The following ZMIZ1 variants were observed in gnomAD, a reference collection of about 807,000 sequenced individuals.
The protein encoded by ZMIZ1 is zinc finger MIZ-type containing 1.
ZMIZ1 carries 17 observed loss-of-function variants against 113.9 expected under a neutral mutation model. The ratio of observed to expected loss-of-function variants is 0.15; its 90% CI spans 0.10 to 0.22. The LOEUF (loss-of-function observed/expected upper bound fraction) is 0.22, where lower values mean the gene tolerates loss of function less well. ZMIZ1 is among the 10% of genes least tolerant of loss of function. The probability of loss-of-function intolerance (pLI) is 1.00; values close to 1 mark genes in which losing one functional copy is unlikely to be tolerated. For synonymous variants in ZMIZ1, 607 were observed against 603.1 expected (o/e 1.01, Z -0.09); for missense variants, 1,059 against 1,477.8 (o/e 0.72, Z 4.65).
intron 3 of ZMIZ1, among the ~76,000 whole-genome samples, chr10:79,158,122 G>C (rs1845975349): frequency 6.6e-6 from 1 of 152,178 alleles, no homozygotes; most frequent in Admixed American, 6.5e-5. Flanking sequence ...ATTTGGATGG[G>C]CACCATGGGC....
At chr10:79,247,274 T>C (rs1850262982) in intron 7 of ZMIZ1, among the ~76,000 whole-genome samples, 2 of 152,112 alleles carry the variant, frequency 1.3e-5, no homozygotes, top group Admixed American at 6.5e-5. Flanking sequence ...GAGAAAATGG[T>C]CAGGGGCGGG....
chr10:79,085,815 C>T (rs1326091632), intron 1 of ZMIZ1, among the ~76,000 whole-genome samples: 1 of 152,180 alleles, frequency 6.6e-6, no homozygotes, highest in Non-Finnish European at 1.5e-5. Context: ...GCCCAGTGGC[C>T]AGGGACCTGA....
chr10:79,191,981 G>A (rs1847626253), intron 4 of ZMIZ1, among the ~76,000 whole-genome samples: 1 of 152,234 alleles, frequency 6.6e-6, no homozygotes, highest in Admixed American at 6.5e-5. Context: ...CCACTCTGAG[G>A]AAACAAAGTG....
chr10:79,145,401 C>T (rs1027587701), intron 3 of ZMIZ1, among the ~76,000 whole-genome samples: 2 of 152,182 alleles, frequency 1.3e-5, no homozygotes, highest in Non-Finnish European at 2.9e-5. Context: ...CTGTGCAGCC[C>T]TGAGTTGTTG....
intron 8 of ZMIZ1, among the ~76,000 whole-genome samples, chr10:79,289,017 T>A (rs1364360312): frequency 6.6e-6 from 1 of 151,096 alleles, no homozygotes; most frequent in African/African-American, 2.4e-5. Flanking sequence ...CAAAGCGGGG[T>A]GAGGGAATGG....
intron 18 of ZMIZ1, among the ~76,000 whole-genome samples, chr10:79,302,509 C>G (rs1353678690): frequency 6.6e-6 from 1 of 152,052 alleles, no homozygotes. Context: ...AATAGCAGCA[C>G]AGGACATGAG....
chr10:79,306,442 G>A (rs1371025136), intron 22 of ZMIZ1, 98 bp downstream of exon 22: 4 of 1,533,116 alleles, frequency 2.6e-6, no homozygotes, highest in Admixed American at 1.9e-5. Context: ...GGGGTCGGGG[G>A]TGTGGTTGAA....
chr10:79,130,653 G>A (rs182668019), intron 2 of ZMIZ1, among the ~76,000 whole-genome samples: 38 of 152,224 alleles, frequency 2.5e-4, no homozygotes, highest in African/African-American at 8.9e-4. Context: ...TAATATGAGG[G>A]TCTGATTCCG....
intron 4 of ZMIZ1, among the ~76,000 whole-genome samples, chr10:79,183,505 G>A (rs1222865497): frequency 6.6e-6 from 1 of 152,108 alleles, no homozygotes; most frequent in Non-Finnish European, 1.5e-5. Flanking sequence ...GCCCTAACAG[G>A]GTCCCAGAAC....
chr10:79,142,377 G>A (rs1845307284), intron 3 of ZMIZ1, among the ~76,000 whole-genome samples: 1 of 152,166 alleles, frequency 6.6e-6, no homozygotes, highest in Non-Finnish European at 1.5e-5. Context: ...AGGGTCAGGA[G>A]CCTGAATGTG....
intron 7 of ZMIZ1, among the ~76,000 whole-genome samples, chr10:79,232,378 A>C (rs1849428633): frequency 1.3e-5 from 2 of 152,148 alleles, no homozygotes; most frequent in African/African-American, 4.8e-5. Context: ...GCAAAGGGGA[A>C]GCAGGAGGAC....
intron 3 of ZMIZ1, among the ~76,000 whole-genome samples, chr10:79,146,704 A>T (rs1315718521): frequency 6.6e-6 from 1 of 152,142 alleles, no homozygotes; most frequent in Admixed American, 6.5e-5. Flanking sequence ...AACACCAGAC[A>T]CAGGCAGGGC....
chr10:79,231,812 A>T (rs532755792), intron 7 of ZMIZ1, among the ~76,000 whole-genome samples: 33 of 152,288 alleles, frequency 2.2e-4, no homozygotes, highest in Admixed American at 2.1e-3. Flanking sequence ...TCCTGACCTC[A>T]GGTGATCCAC....
intron 6 of ZMIZ1, among the ~76,000 whole-genome samples, chr10:79,211,698 C>A (rs940051669): frequency 2.0e-5 from 3 of 152,238 alleles, no homozygotes; most frequent in Admixed American, 6.5e-5. Flanking sequence ...CTTAAGGATG[C>A]GGAAGCACAG....
At chr10:79,215,518 C>T (rs1019849592) in intron 6 of ZMIZ1, among the ~76,000 whole-genome samples, 7 of 152,118 alleles carry the variant, frequency 4.6e-5, no homozygotes, top group Admixed American at 6.5e-5. Flanking sequence ...AGGCTGGTCT[C>T]GAACTCTTGA....
chr10:79,156,196 A>G (rs1039626134), intron 3 of ZMIZ1, among the ~76,000 whole-genome samples: 2 of 152,212 alleles, frequency 1.3e-5, no homozygotes, highest in African/African-American at 4.8e-5. Context: ...GTCACTTTAT[A>G]GCCCCATTTT....
At position 79,162,090 on chromosome 10, in the gene ZMIZ1, T is replaced by G. The variant is rs1846135117; in HGVS notation, c.-93T>G. ...GGAGTGAGGTGGAGGGGCCGCAAGC[T>G]GCTGACCGGCGTGTGGAACACTGGT... On this transcript the variant is annotated 5_prime_UTR_variant, in exon 4 of 25. Transcript: ENST00000334512. The G allele has an allele frequency of 2.5e-6, 1 of 399,276 alleles. No individual in the cohort carries two copies. Among genetic ancestry groups the G allele is most frequent in the African/African-American group, 2.1e-5 (1 of 48,640 alleles). The allele number at this position is 399,276 out of a possible 1,614,324, so 24.7% of individuals were successfully genotyped here. A position where few individuals can be genotyped will look rare whatever the true frequency, so the allele number is the denominator to read the frequency against.
chr10:79,302,351 C>A, intron 18 of ZMIZ1, 139 bp downstream of exon 18: 1 of 816,848 alleles, frequency 1.2e-6, no homozygotes, highest in Non-Finnish European at 2.0e-6. Flanking sequence ...TCCCTGAGCG[C>A]GCCCTGTCCT....
At position 79,201,608 on chromosome 10, in the gene ZMIZ1, GGTAGAACCTA is replaced by G; in HGVS notation, c.-22_-13del. 2 of 1,613,186 alleles carry G rather than the reference GGTAGAACCTA, an allele frequency of 1.2e-6. No individual in the cohort carries two copies. The highest frequency in any genetic ancestry group is 1.7e-6 in the Non-Finnish European group (2 of 1,179,650). ...GGCTGGACAACGTTCATGGCTCTCGGGTAGAACCTAGTGAAACGGCCAGAATGAATTCTAT... is the reference window on the plus strand; with the variant it reads ...GGCTGGACAACGTTCATGGCTCTCGGGTGAAACGGCCAGAATGAATTCTAT... On this transcript the variant is annotated 5_prime_UTR_variant, in exon 5 of 25. It removes the in-frame stop codon of an upstream open reading frame in the 5' UTR. Coordinates refer to ENST00000334512, the MANE Select transcript of ZMIZ1 (RefSeq NM_020338.4).
Sources: allele counts gnomAD v4.1 joint callset (sites outside exome capture counted in the v4.1 genomes callset), GRCh38; gene constraint gnomAD v4.1.1; transcripts MANE v1.5; gene names NCBI Gene and HGNC (gene_info 2026-07-23, HGNC 2026-07-21).